SUPT4H1: variants seen among roughly 807,000 people sequenced by gnomAD.
The protein encoded by SUPT4H1 is transcription elongation factor SPT4.
Under a neutral mutation model 19.4 loss-of-function variants are expected in SUPT4H1, and 12 were observed. The observed-to-expected ratio is 0.62, with a 90% CI of 0.40 to 1.00. SUPT4H1 has a LOEUF of 1.00. SUPT4H1 is among the 50% of genes least tolerant of loss of function. The pLI, the probability that SUPT4H1 is intolerant of heterozygous loss-of-function variation, is 0.00. For synonymous variants in SUPT4H1, 58 were observed against 56.3 expected, an observed-to-expected ratio of 1.03 and a Z score of -0.14; for missense variants, 115 against 149.2, an observed-to-expected ratio of 0.77 and a Z score of 1.19.
rs1203164150 is a variant in SUPT4H1 at position 58,345,991 on chromosome 17, T to G, written c.*255A>C. The G allele has an allele frequency of 2.2e-6, 1 of 446,622 alleles. No homozygotes were observed. The highest frequency in any genetic ancestry group is 4.1e-6 in the Non-Finnish European group (1 of 242,816). 27.7% of individuals were successfully genotyped at this position (446,622 alleles called of 1,614,324 possible). A position where few individuals can be genotyped will look rare whatever the true frequency, so the allele number is the denominator to read the frequency against. On this transcript the variant is annotated 3_prime_UTR_variant, in exon 5 of 5. Transcript: ENST00000225504. ...CCTTGGCATGGGGAAGGCACAGACC[T>G]GGGCCACGGGTAGGAAAATCAGCAT...
At position 58,345,182 on chromosome 17, in the gene SUPT4H1, G is replaced by A. The variant is rs558055864; in HGVS notation, c.*1064C>T. 9.9e-5 allele frequency: 15 copies of A among 152,278 alleles called. No individual in the cohort carries two copies. The highest frequency in any genetic ancestry group is 3.3e-4 in the Admixed American group (5 of 15,302). The allele number at this position is 152,278 out of a possible 1,614,324, so 9.4% of individuals were successfully genotyped here. A position where few individuals can be genotyped will look rare whatever the true frequency, so the allele number is the denominator to read the frequency against. On this transcript the variant is annotated 3_prime_UTR_variant, in exon 5 of 5. Transcript: ENST00000225504. ...ATTGAAAAATGGCCCAAAAAGGAGA[G>A]CAAAAGTATTTCACCTTTATAATAC...
chr17:58,352,089 C>A lies in SUPT4H1; in HGVS notation c.47G>T (p.Cys16Phe), dbSNP rs1375269198. The part of the protein sequence containing the change: ...VPKDLRHLRA[C>F]LLCSLVKTID... The stretch of plus-strand genomic sequence containing the variant: ...CACCTTGACCAGCGAACACAGCAAA[C>A]AGGCCCGCAGATGCCGCAGGTCCTT... The change falls in exon 1 of 5, where the codon TGT (cysteine) becomes TTT (phenylalanine). Residue 16 changes from cysteine to phenylalanine, a missense_variant. Coordinates refer to ENST00000225504, the MANE Select transcript of SUPT4H1 (RefSeq NM_003168.3). 6 of 1,614,224 alleles carry A rather than the reference C, an allele frequency of 3.7e-6. No individual in the cohort carries two copies. The East Asian group carries it at 1.3e-4, about 36-fold the overall frequency.
At chr17:58,348,484 A>G (rs1162792242) in intron 2 of SUPT4H1, among the ~76,000 whole-genome samples, 2 of 152,136 alleles carry the variant, frequency 1.3e-5, no homozygotes, top group Non-Finnish European at 2.9e-5. Flanking sequence ...CAAGCAGAAC[A>G]CTAGCCCCCA....
intron 2 of SUPT4H1, among the ~76,000 whole-genome samples, chr17:58,348,380 T>C (rs1266343415): frequency 2.0e-5 from 3 of 152,324 alleles, no homozygotes; most frequent in South Asian, 2.1e-4. Context: ...AGTAACAATC[T>C]TGGATTCTTA....
chr17:58,345,416 T>C lies in SUPT4H1; in HGVS notation c.*830A>G, dbSNP rs1190584695. Reference sequence around the variant, plus strand: ...AACTCACCTTGGCCGAAAAATGGGATGTTACCCAAGGTCCCCTACTAGGCC... The same window carrying C: ...AACTCACCTTGGCCGAAAAATGGGACGTTACCCAAGGTCCCCTACTAGGCC... On this transcript the variant is annotated 3_prime_UTR_variant, in exon 5 of 5. Transcript: ENST00000225504. The C allele has an allele frequency of 6.6e-6, 1 of 152,040 alleles. No individual in the cohort carries two copies. The allele number at this position is 152,040 out of a possible 1,614,324, so 9.4% of individuals were successfully genotyped here.
intron 2 of SUPT4H1, among the ~76,000 whole-genome samples, chr17:58,349,131 A>C (rs1972396742): frequency 6.6e-6 from 1 of 152,242 alleles, no homozygotes; most frequent in Non-Finnish European, 1.5e-5. Flanking sequence ...TGCAGTTGCT[A>C]AACAGTATGA....
chr17:58,348,654 C>T (rs1482971701), intron 2 of SUPT4H1, among the ~76,000 whole-genome samples: 1 of 152,186 alleles, frequency 6.6e-6, no homozygotes, highest in Non-Finnish European at 1.5e-5. Context: ...TCTCCAAAAA[C>T]ATCCTGGTTT....
rs561648031 is a variant in SUPT4H1 at position 58,345,669 on chromosome 17, G to T, written c.*577C>A. 6.6e-6 allele frequency: 1 copy of T among 152,480 alleles called. No homozygotes were observed. Among genetic ancestry groups the T allele is most frequent in the Non-Finnish European group, 1.5e-5 (1 of 68,324 alleles). The allele number at this position is 152,480 out of a possible 1,614,324, so 9.4% of individuals were successfully genotyped here. Reference sequence around the variant, plus strand: ...TTCTTCAAGGGATACTGCTGTGCCAGGTCTCGAGGGCAGAAGGATACAAGT... The same window carrying T: ...TTCTTCAAGGGATACTGCTGTGCCATGTCTCGAGGGCAGAAGGATACAAGT... On this transcript the variant is annotated 3_prime_UTR_variant, in exon 5 of 5. Transcript: ENST00000225504.
intron 2 of SUPT4H1, among the ~76,000 whole-genome samples, chr17:58,350,702 G>T (rs559356059): frequency 4.7e-4 from 71 of 151,116 alleles, no homozygotes; most frequent in African/African-American, 1.7e-3. Flanking sequence ...TGGGAGTGGT[G>T]GTGGGTGCCT....
At position 58,351,376 on chromosome 17, in the gene SUPT4H1, G is replaced by C. The variant is rs779880233; in HGVS notation, c.176+26C>G. The C allele has an allele frequency of 5.5e-5, 84 of 1,528,884 alleles. No homozygotes were observed. The East Asian group carries it at 1.9e-3, about 34-fold the overall frequency. The allele number at this position is 1,528,884 out of a possible 1,614,324, so 94.7% of individuals were successfully genotyped here. A position where few individuals can be genotyped will look rare whatever the true frequency, so the allele number is the denominator to read the frequency against. ...GGTGCAGGTTGGGTAATGCAGAAGT[G>C]AATGATGGAAACTGAAGCGGCTTAC... On this transcript the variant is annotated intron_variant, in intron 2 of 4. Coordinates refer to ENST00000225504, the MANE Select transcript of SUPT4H1 (RefSeq NM_003168.3).
Position 58,352,100 on chromosome 17 carries a change from ATGCCGCAGG to A in SUPT4H1, c.27_35del (p.His12_Arg14del). 1 of 1,614,196 alleles carries A rather than the reference ATGCCGCAGG, an allele frequency of 6.2e-7. No individual in the cohort carries two copies. The highest frequency in any genetic ancestry group is 8.5e-7 in the Non-Finnish European group (1 of 1,180,024). On this transcript the variant is annotated inframe_deletion, in exon 1 of 5. Transcript: ENST00000225504. ...GCGAACACAGCAAACAGGCCCGCAG[ATGCCGCAGG>A]TCCTTCGGCACCGTCTCCAGGGCCA...
rs762762508 is a variant in SUPT4H1 at position 58,351,449 on chromosome 17, C to T, written c.129G>A (p.Lys43=). The part of the protein sequence containing the change: ...CDNCDAYLQM[K]GNREMVYDCT... ...AGTCATATACCATCTCTCGGTTACC[C>T]TTCATTTGTAGATATGCATCACAAT... Residue 43 remains lysine, a synonymous_variant, in exon 2 of 5, where the codon AAG becomes AAA. Transcript: ENST00000225504. 2.5e-6 allele frequency: 4 copies of T among 1,613,914 alleles called. No individual in the cohort carries two copies. In the African/African-American group the frequency reaches 5.3e-5, roughly 22 times the overall value.
intron 1 of SUPT4H1, 156 bp downstream of exon 1, chr17:58,351,911 C>G (rs898615359): frequency 4.1e-6 from 3 of 735,668 alleles, no homozygotes; most frequent in Admixed American, 2.5e-5. Flanking sequence ...CGCGATCCTA[C>G]GAGGTAAACG....
intron 2 of SUPT4H1, among the ~76,000 whole-genome samples, chr17:58,351,133 G>C (rs1972497883): frequency 6.6e-6 from 1 of 151,574 alleles, no homozygotes; most frequent in Admixed American, 6.6e-5. Flanking sequence ...GGACACAGTG[G>C]CTTACACCTA....
chr17:58,350,402 C>T (rs1188542276), intron 2 of SUPT4H1, among the ~76,000 whole-genome samples: 1 of 151,830 alleles, frequency 6.6e-6, no homozygotes, highest in African/African-American at 2.4e-5. Context: ...ATCCCAGCTA[C>T]TCAGGAGGCT....
At chr17:58,350,836 CAAAAAAAA>C (rs35040111) in intron 2 of SUPT4H1, among the ~76,000 whole-genome samples, 21 of 81,914 alleles carry the variant, frequency 2.6e-4, no homozygotes, top group Admixed American at 4.2e-4. Flanking sequence ...AAAGTCTGTC[CAAAAAAAA>C]AAAAAAAAAA....
intron 3 of SUPT4H1, 128 bp downstream of exon 3, chr17:58,347,401 T>C: frequency 7.3e-7 from 1 of 1,362,644 alleles, no homozygotes; most frequent in Non-Finnish European, 1.0e-6. Context: ...ACTGCTTCCC[T>C]GTGTTTCCTA....
At chr17:58,351,902 G>T in intron 1 of SUPT4H1, 165 bp downstream of exon 1, 1 of 697,354 alleles carries the variant, frequency 1.4e-6, no homozygotes, top group Non-Finnish European at 2.4e-6. Flanking sequence ...AGACCTGTCC[G>T]CGATCCTACG....
Position 58,352,144 on chromosome 17 carries a change from A to G in SUPT4H1, c.-9T>C. ...ACCGTCTCCAGGGCCATCTTCGCCG[A>G]TGGGAAGAACAACAGGGAGATAGAC... On this transcript the variant is annotated 5_prime_UTR_variant, in exon 1 of 5. Transcript: ENST00000225504. 1 of 1,614,056 alleles carries G rather than the reference A, an allele frequency of 6.2e-7. No individual in the cohort carries two copies. Among genetic ancestry groups the G allele is most frequent in the Non-Finnish European group, 8.5e-7 (1 of 1,179,952 alleles).
Sources: allele counts gnomAD v4.1 joint callset (sites outside exome capture counted in the v4.1 genomes callset), GRCh38; gene constraint gnomAD v4.1.1; transcripts MANE v1.5; gene names NCBI Gene and HGNC (gene_info 2026-07-23, HGNC 2026-07-21).